Variants in RNF149 observed in about 807,000 individuals in gnomAD.
The protein encoded by RNF149 is E3 ubiquitin-protein ligase RNF149.
Under a neutral mutation model 39.0 loss-of-function variants are expected in RNF149, and 21 were observed. The observed-to-expected ratio is 0.54, with a 90% confidence interval of 0.38 to 0.77. RNF149 has a LOEUF of 0.77. RNF149 is among the 30% of genes least tolerant of loss of function. The pLI is 0.00. For synonymous variants in RNF149, 209 were observed against 213.6 expected, an observed-to-expected ratio of 0.98 and a Z score of 0.19; for missense variants, 493 against 534.9, an observed-to-expected ratio of 0.92 and a Z score of 0.77.
rs1294083252 is a variant in RNF149, at chr2:101,286,147, T to C, written c.894A>G (p.Pro298=). Residue 298 remains proline (P), a synonymous_variant, in exon 5 of 7, where the codon CCA becomes CCG. Transcript: ENST00000295317. ...GACATGTTCGGTGATCCAAAAGCCA[T>C]GGGTCAATGCATATTCTATGAAAAA... ...KHIFHRICID[P]WLLDHRTCPM... 3 of 1,609,276 alleles carry C rather than the reference T, an allele frequency of 1.9e-6. No individual in the cohort carries two copies. The highest frequency in any genetic ancestry group is 2.6e-6 in the Non-Finnish European group (3 of 1,175,830).
chr2:101,287,690 C>T (rs1682847996), intron 4 of RNF149, among the ~76,000 whole-genome samples: 1 of 152,240 alleles, frequency 6.6e-6, no homozygotes, highest in African/African-American at 2.4e-5. Context: ...CAGTACCCAT[C>T]ATACCAATCA....
chr2:101,286,257 CT>C (rs1254035192), intron 4 of RNF149, 80 bp from the exon 5 acceptor site: 2 of 755,362 alleles, frequency 2.6e-6, no homozygotes, highest in Non-Finnish European at 4.5e-6. Context: ...ATTGTACCAA[CT>C]CATCCTCTCA....
At position 101,277,036 on chromosome 2, in the gene RNF149, A is replaced by C; in HGVS notation, c.*202T>G. The C allele has an allele frequency of 7.5e-7, 1 of 1,333,744 alleles. No homozygotes were observed. The highest frequency in any genetic ancestry group is 9.7e-7 in the Non-Finnish European group (1 of 1,033,160). 82.6% of individuals were successfully genotyped at this position (1,333,744 alleles called of 1,614,324 possible). ...CTGTTCATGGTAAACACTCTATTTT[A>C]GTAGATAAATATATGAGGACTAATC... On this transcript the variant is annotated 3_prime_UTR_variant, in exon 7 of 7. Transcript: ENST00000295317.
chr2:101,299,561 A>C (rs1683372531), intron 1 of RNF149, among the ~76,000 whole-genome samples: 1 of 152,306 alleles, frequency 6.6e-6, no homozygotes, highest in Admixed American at 6.5e-5. Flanking sequence ...TGCAAGCTAG[A>C]AGTCTTTTTT....
At chr2:101,275,436 T>TTTC (rs1682304920), downstream of RNF149, among the ~76,000 whole-genome samples, 1 of 77,762 alleles carries the variant, frequency 1.3e-5, no homozygotes, top group African/African-American at 5.3e-5. Flanking sequence ...TATTTCTTTT[T>TTTC]TTTTTTTTTT....
At chr2:101,290,303 A>C (rs1223415959) in intron 3 of RNF149, among the ~76,000 whole-genome samples, 1 of 152,230 alleles carries the variant, frequency 6.6e-6, no homozygotes, top group Non-Finnish European at 1.5e-5. Flanking sequence ...GTCTCTAATA[A>C]TGGTTTGCAA....
intron 5 of RNF149, among the ~76,000 whole-genome samples, chr2:101,282,981 C>G (rs543705726): frequency 8.0e-6 from 1 of 125,738 alleles, no homozygotes; most frequent in East Asian, 2.8e-4. Context: ...TACCCAAACT[C>G]CTGCCCAGCC....
intron 3 of RNF149, among the ~76,000 whole-genome samples, chr2:101,291,802 C>T (rs1683023095): frequency 6.6e-6 from 1 of 152,124 alleles, no homozygotes; most frequent in South Asian, 2.1e-4. Flanking sequence ...ACTAGTCTCT[C>T]TAGAATGGAA....
downstream of RNF149, chr2:101,273,101 A>G: frequency 7.3e-7 from 1 of 1,364,586 alleles, no homozygotes. Flanking sequence ...GATCCCTAAA[A>G]AGATAGCATG....
intron 1 of RNF149, among the ~76,000 whole-genome samples, chr2:101,298,178 C>T (rs1683315939): frequency 6.6e-6 from 1 of 152,176 alleles, no homozygotes; most frequent in South Asian, 2.1e-4. Context: ...CACCTGTAAT[C>T]CCAACACTTT....
At chr2:101,274,856 G>A (rs1031611152), downstream of RNF149, among the ~76,000 whole-genome samples, 2 of 152,076 alleles carry the variant, frequency 1.3e-5, no homozygotes, top group Non-Finnish European at 2.9e-5. Flanking sequence ...GCACGATCTC[G>A]GCTCACCGCA....
At chr2:101,283,781 A>G (rs1213362578) in intron 5 of RNF149, among the ~76,000 whole-genome samples, 1 of 152,064 alleles carries the variant, frequency 6.6e-6, no homozygotes, top group Non-Finnish European at 1.5e-5. Context: ...TAATATATGA[A>G]ATATATATAT....
intron 5 of RNF149, among the ~76,000 whole-genome samples, chr2:101,284,019 C>T (rs1439014783): frequency 6.6e-6 from 1 of 152,142 alleles, no homozygotes; most frequent in Non-Finnish European, 1.5e-5. Context: ...ATTTAAAATG[C>T]TGTCCCACAA....
At chr2:101,278,621 A>G (rs1002139781) in intron 6 of RNF149, among the ~76,000 whole-genome samples, 15 of 152,212 alleles carry the variant, frequency 9.9e-5, no homozygotes, top group African/African-American at 3.6e-4. Flanking sequence ...ACATTGTGGA[A>G]TGGCTAAATC....
chr2:101,304,976 G>C (rs1423170851), intron 1 of RNF149, among the ~76,000 whole-genome samples: 1 of 151,602 alleles, frequency 6.6e-6, no homozygotes, highest in African/African-American at 2.4e-5. Context: ...GAGTAACTAG[G>C]ACTACAGGCA....
chr2:101,273,165 T>G, downstream of RNF149: 1 of 1,303,552 alleles, frequency 7.7e-7, no homozygotes, highest in Non-Finnish European at 1.0e-6. Flanking sequence ...CTCTGGCCCT[T>G]TAGTTTTCTG....
At chr2:101,283,936 G>C (rs899676787) in intron 5 of RNF149, among the ~76,000 whole-genome samples, 1 of 152,186 alleles carries the variant, frequency 6.6e-6, no homozygotes, top group Non-Finnish European at 1.5e-5. Flanking sequence ...ACGCTTTAGA[G>C]TGTATCTAAT....
downstream of RNF149, chr2:101,273,476 CTTTT>C (rs937334137): frequency 4.0e-3 from 1,385 of 346,120 alleles, 4 homozygotes; most frequent in African/African-American, 0.022. Context: ...ATATTTGTTT[CTTTT>C]TTTTTTTTTT....
At chr2:101,283,852 T>C (rs1194655363) in intron 5 of RNF149, among the ~76,000 whole-genome samples, 1 of 152,156 alleles carries the variant, frequency 6.6e-6, no homozygotes, top group Non-Finnish European at 1.5e-5. Context: ...GTCAGTGAAA[T>C]TCCTTTCATA....
Sources: gnomAD v4.1 joint callset for allele counts (sites outside exome capture counted in the v4.1 genomes callset) on GRCh38, gnomAD v4.1.1 for gene constraint, MANE v1.5 for transcripts, NCBI Gene and HGNC (gene_info 2026-07-23, HGNC 2026-07-21) for gene names.